DOCK4: variants seen among roughly 807,000 people sequenced by gnomAD.
DOCK4 encodes dedicator of cytokinesis protein 4.
A neutral mutation model predicts 268.1 loss-of-function variants in DOCK4; 97 were observed. The ratio of observed to expected loss-of-function variants is 0.36; its 90% CI spans 0.31 to 0.43. The LOEUF (loss-of-function observed/expected upper bound fraction) is 0.43. Ranked by LOEUF, DOCK4 falls within the 20% of genes least tolerant of loss-of-function variation. DOCK4 has a pLI of 1.00. For missense variants in DOCK4, 2,145 were observed against 2,455.7 expected (o/e 0.87, Z 2.67); for synonymous variants, 954 against 887.2 (o/e 1.08, Z -1.34).
chr7:111,786,182 T>C (rs897356840), intron 32 of DOCK4, among the ~76,000 whole-genome samples: 2 of 152,202 alleles, frequency 1.3e-5, no homozygotes, highest in African/African-American at 2.4e-5. Context: ...TTGAATTATT[T>C]AGAACTGCAT....
intron 25 of DOCK4, among the ~76,000 whole-genome samples, chr7:111,844,437 C>T (rs949543586): frequency 6.6e-6 from 1 of 152,116 alleles, no homozygotes; most frequent in African/African-American, 2.4e-5. Context: ...CTCGTTTCCT[C>T]AAGCAATTTG....
chr7:112,132,296 T>G (rs1166959898), intron 1 of DOCK4, among the ~76,000 whole-genome samples: 1 of 152,058 alleles, frequency 6.6e-6, no homozygotes, highest in Non-Finnish European at 1.5e-5. Context: ...CTGCTTGAAT[T>G]TAGGTTCATC....
intron 1 of DOCK4, among the ~76,000 whole-genome samples, chr7:112,130,017 G>C (rs1051551178): frequency 1.3e-5 from 2 of 152,320 alleles, no homozygotes; most frequent in East Asian, 1.9e-4. Flanking sequence ...AATGAACAGG[G>C]CCTTGAACAC....
intron 27 of DOCK4, among the ~76,000 whole-genome samples, chr7:111,818,851 C>A (rs1801761831): frequency 6.6e-6 from 1 of 152,100 alleles, no homozygotes; most frequent in Non-Finnish European, 1.5e-5. Context: ...TGTTTGTTAC[C>A]CCCTGCTAAG....
intron 16 of DOCK4, among the ~76,000 whole-genome samples, chr7:111,894,896 A>G (rs1808610260): frequency 6.6e-6 from 1 of 152,212 alleles, no homozygotes; most frequent in Non-Finnish European, 1.5e-5. Context: ...AGAGGGAGAC[A>G]AGACCCAGGT....
chr7:112,155,944 C>T (rs994245826), intron 1 of DOCK4, among the ~76,000 whole-genome samples: 10 of 152,188 alleles, frequency 6.6e-5, no homozygotes, highest in African/African-American at 1.4e-4. Context: ...ACATTTAATT[C>T]GTTTAAATTT....
intron 12 of DOCK4, among the ~76,000 whole-genome samples, chr7:111,933,079 C>T (rs1414267080): frequency 7.2e-6 from 1 of 138,794 alleles, no homozygotes; most frequent in African/African-American, 2.7e-5. Context: ...TATATATACA[C>T]ATATATATAC....
intron 1 of DOCK4, among the ~76,000 whole-genome samples, chr7:112,100,402 AAAGCC>A (rs1241211791): frequency 6.6e-6 from 1 of 152,248 alleles, no homozygotes; most frequent in Non-Finnish European, 1.5e-5. Flanking sequence ...ACAGCTATAG[AAAGCC>A]AATTCATTAC....
At chr7:111,916,765 ATCT>A (rs556335881) in intron 12 of DOCK4, among the ~76,000 whole-genome samples, 13 of 151,752 alleles carry the variant, frequency 8.6e-5, no homozygotes, top group Non-Finnish European at 1.8e-4. Context: ...TTCTTTGTTT[ATCT>A]TCTTATGTTT....
chr7:112,162,212 A>G (rs1170267087), intron 1 of DOCK4, among the ~76,000 whole-genome samples: 1 of 152,130 alleles, frequency 6.6e-6, no homozygotes. Flanking sequence ...CCTGAATAAC[A>G]AACACTCTGC....
At chr7:112,019,227 G>T (rs1057311457) in intron 1 of DOCK4, among the ~76,000 whole-genome samples, 1 of 152,188 alleles carries the variant, frequency 6.6e-6, no homozygotes. Context: ...TTCCTTAGGT[G>T]TGCAAGAATT....
intron 1 of DOCK4, among the ~76,000 whole-genome samples, chr7:112,054,155 CTATAAAA>C (rs1033240929): frequency 1.9e-4 from 29 of 152,024 alleles, no homozygotes; most frequent in Admixed American, 6.6e-5. Flanking sequence ...GACCCTAACT[CTATAAAA>C]TATAAAAATA....
chr7:111,733,548 G>T lies in DOCK4; in HGVS notation c.5420-1261C>A, dbSNP rs150261876. On this transcript the variant is annotated intron_variant, in intron 51 of 52. Transcript: ENST00000428084. ...GAAGCTGATCCTGACGGAGAACTAT[G>T]TTCCTGCCTTAACGGTGGTAGAAAG... is the stretch of plus-strand genomic sequence containing the variant. 1.0e-3 allele frequency among the ~76,000 whole-genome samples: 153 copies of T among 152,344 alleles called. 1 individual carries two copies. Among genetic ancestry groups the T allele is most frequent in the South Asian group, 2.3e-3 (11 of 4,834 alleles).
At chr7:112,154,851 T>C (rs1473168624) in intron 1 of DOCK4, among the ~76,000 whole-genome samples, 3 of 152,280 alleles carry the variant, frequency 2.0e-5, no homozygotes, top group South Asian at 2.1e-4. Flanking sequence ...GGGCATGCAA[T>C]AGCGGGGAGC....
chr7:112,129,399 G>T (rs1197127441), intron 1 of DOCK4, among the ~76,000 whole-genome samples: 20 of 152,126 alleles, frequency 1.3e-4, no homozygotes, highest in Admixed American at 1.3e-3. Context: ...CTATAAAGGG[G>T]CAGCATAAGG....
At chr7:112,000,576 T>C in intron 2 of DOCK4, 42 bp from the exon 3 acceptor site, 1 of 1,395,258 alleles carries the variant, frequency 7.2e-7, no homozygotes, top group South Asian at 1.5e-5. Flanking sequence ...TAAACCATTG[T>C]AATATTTTAA....
At chr7:112,065,500 G>A (rs1023170333) in intron 1 of DOCK4, among the ~76,000 whole-genome samples, 3 of 150,520 alleles carry the variant, frequency 2.0e-5, no homozygotes, top group Non-Finnish European at 3.0e-5. Flanking sequence ...TCAACTGCAT[G>A]AGGGAAGGTA....
chr7:112,018,844 G>A (rs1185897031), intron 1 of DOCK4, among the ~76,000 whole-genome samples: 1 of 152,090 alleles, frequency 6.6e-6, no homozygotes, highest in Non-Finnish European at 1.5e-5. Context: ...CAAACAATAG[G>A]TCTGGTGTTA....
At chr7:111,767,528 T>A (rs1797841695) in intron 37 of DOCK4, among the ~76,000 whole-genome samples, 1 of 152,062 alleles carries the variant, frequency 6.6e-6, no homozygotes, top group Admixed American at 6.6e-5. Context: ...CCCGTCCACT[T>A]CTTAATCTTT....
Sources: gnomAD v4.1 joint callset for allele counts (sites outside exome capture counted in the v4.1 genomes callset) on GRCh38, gnomAD v4.1.1 for gene constraint, MANE v1.5 for transcripts, NCBI Gene and HGNC (gene_info 2026-07-23, HGNC 2026-07-21) for gene names.